CSMD2: variants seen among roughly 807,000 people sequenced by gnomAD.
CSMD2 encodes the protein CUB and sushi domain-containing protein 2.
In CSMD2, 130 loss-of-function variants were observed where a neutral mutation model predicts 398.5. The ratio of observed to expected loss-of-function variants is 0.33; its 90% CI spans 0.28 to 0.38. The LOEUF (loss-of-function observed/expected upper bound fraction) is 0.38, where lower values mean the gene tolerates loss of function less well. CSMD2 is among the 10% of genes least tolerant of loss of function. The pLI is 1.00. For synonymous variants in CSMD2, 1,828 were observed against 1,908.5 expected (o/e 0.96, Z 1.10); for missense variants, 3,829 against 4,764.9 (o/e 0.80, Z 5.78).
At chr1:33,927,173 G>A (rs1398224699) in intron 4 of CSMD2, among the ~76,000 whole-genome samples, 1 of 152,164 alleles carries the variant, frequency 6.6e-6, no homozygotes, top group Non-Finnish European at 1.5e-5. Context: ...GTGGTGAATG[G>A]TTTCGTGTGC....
At chr1:33,850,063 A>G (rs1175909450) in intron 5 of CSMD2, among the ~76,000 whole-genome samples, 2 of 152,086 alleles carry the variant, frequency 1.3e-5, no homozygotes, top group African/African-American at 4.8e-5. Flanking sequence ...CTCCTGCCTC[A>G]GGGTCTTTGC....
chr1:33,564,969 G>A (rs1658919624), intron 53 of CSMD2, among the ~76,000 whole-genome samples: 2 of 152,184 alleles, frequency 1.3e-5, no homozygotes, highest in Non-Finnish European at 2.9e-5. Flanking sequence ...TCAAAAAAAT[G>A]CAGATTAACC....
chr1:33,835,701 C>G (rs913390744), intron 6 of CSMD2, among the ~76,000 whole-genome samples: 2 of 89,654 alleles, frequency 2.2e-5, no homozygotes, highest in Non-Finnish European at 3.9e-5. Context: ...AAAAAACAAA[C>G]AAAAATACAT....
chr1:33,791,829 A>G (rs1261742716), intron 11 of CSMD2, among the ~76,000 whole-genome samples: 1 of 152,144 alleles, frequency 6.6e-6, no homozygotes, highest in Non-Finnish European at 1.5e-5. Context: ...GGTGGGCAAA[A>G]GAGAAGCTAA....
intron 25 of CSMD2, among the ~76,000 whole-genome samples, chr1:33,679,475 C>G (rs1422069318): frequency 6.6e-6 from 1 of 152,168 alleles, no homozygotes; most frequent in African/African-American, 2.4e-5. Flanking sequence ...GTTGGGATTA[C>G]AGGCGTGAGC....
At chr1:33,786,495 C>T (rs140381982) in intron 12 of CSMD2, among the ~76,000 whole-genome samples, 183 of 152,334 alleles carry the variant, frequency 1.2e-3, no homozygotes, top group Non-Finnish European at 2.2e-3. Context: ...TAACTTTATG[C>T]ACCGGAACAG....
At chr1:34,108,763 G>A (rs1013219777) in intron 1 of CSMD2, among the ~76,000 whole-genome samples, 32 of 152,208 alleles carry the variant, frequency 2.1e-4, no homozygotes, top group Admixed American at 1.4e-3. Context: ...CTGAGTGCCC[G>A]AGACTCTGTC....
chr1:33,724,417 C>A, intron 18 of CSMD2, 99 bp downstream of exon 18: 1 of 1,529,154 alleles, frequency 6.5e-7, no homozygotes, highest in Non-Finnish European at 9.0e-7. Context: ...GCCCAACCTT[C>A]GCTGATGGGG....
chr1:33,670,980 G>A (rs1025018202), intron 25 of CSMD2, among the ~76,000 whole-genome samples: 2 of 152,158 alleles, frequency 1.3e-5, no homozygotes, highest in African/African-American at 4.8e-5. Flanking sequence ...GATGAAGGGG[G>A]TGGGTGAGGA....
At chr1:33,671,381 A>C (rs1644491214) in intron 25 of CSMD2, among the ~76,000 whole-genome samples, 1 of 152,016 alleles carries the variant, frequency 6.6e-6, no homozygotes, top group Non-Finnish European at 1.5e-5. Flanking sequence ...AGCTCAGGTA[A>C]CTGGGTCTCA....
At chr1:33,823,392 C>CTTTT (rs10578010) in intron 7 of CSMD2, among the ~76,000 whole-genome samples, 1 of 149,326 alleles carries the variant, frequency 6.7e-6, no homozygotes, top group Non-Finnish European at 1.5e-5. Context: ...TTCTCCCTTT[C>CTTTT]TTTTTTTTTT....
At chr1:33,800,256 G>A (rs1374380909) in intron 10 of CSMD2, among the ~76,000 whole-genome samples, 1 of 152,190 alleles carries the variant, frequency 6.6e-6, no homozygotes. Context: ...GTCTTGCTGA[G>A]GCCCTAGGGA....
At chr1:33,614,384 G>T (rs1445111204) in intron 40 of CSMD2, 120 bp downstream of exon 40, 4 of 677,348 alleles carry the variant, frequency 5.9e-6, no homozygotes, top group Non-Finnish European at 1.1e-5. Context: ...AGAAAACAGA[G>T]AGGCAGAGTA....
At chr1:34,071,183 A>G (rs1655700093) in intron 2 of CSMD2, among the ~76,000 whole-genome samples, 2 of 152,252 alleles carry the variant, frequency 1.3e-5, no homozygotes, top group African/African-American at 4.8e-5. Flanking sequence ...GCTAGCCACT[A>G]TAAACTTCGT....
chr1:34,126,803 A>AGAC (rs1553325073), intron 1 of CSMD2, among the ~76,000 whole-genome samples: 1 of 150,896 alleles, frequency 6.6e-6, no homozygotes, highest in Non-Finnish European at 1.5e-5. Flanking sequence ...AGAGAGACAT[A>AGAC]GGGGAGAGAG....
chr1:33,724,176 G>C, intron 19 of CSMD2, 21 bp downstream of exon 19: 1 of 1,560,086 alleles, frequency 6.4e-7, no homozygotes, highest in Non-Finnish European at 8.8e-7. Flanking sequence ...CCCAATGCCT[G>C]CTATGGGCTG....
chr1:33,658,889 A>T (rs775935503), intron 26 of CSMD2, among the ~76,000 whole-genome samples: 1 of 152,194 alleles, frequency 6.6e-6, no homozygotes, highest in Non-Finnish European at 1.5e-5. Flanking sequence ...AATAAACTCC[A>T]TGTATTCAAT....
chr1:34,052,495 CTGTG>C lies in CSMD2; in HGVS notation c.405-19793_405-19790del, dbSNP rs143571706. Among the ~76,000 whole-genome samples the C allele has an allele frequency of 5.3e-3, 714 of 134,152 alleles. 4 individuals are homozygous for C. Among genetic ancestry groups the C allele is most frequent in the East Asian group, 0.02 (84 of 4,206 alleles). The allele number at this position is 134,152 out of a possible 152,430, so 88.0% of individuals were successfully genotyped here. A position where few individuals can be genotyped will look rare whatever the true frequency, so the allele number is the denominator to read the frequency against. On this transcript the variant is annotated intron_variant, in intron 2 of 70. Coordinates refer to ENST00000373381, the MANE Select transcript of CSMD2 (RefSeq NM_001281956.2). The stretch of plus-strand genomic sequence containing the variant: ...GAGAAATCAATCCCCTATGGGACAA[CTGTG>C]TGTGTGTGTGTGTGTGTGTGTGTGT...
intron 5 of CSMD2, among the ~76,000 whole-genome samples, chr1:33,852,578 C>G (rs1418462588): frequency 6.6e-6 from 1 of 152,256 alleles, no homozygotes; most frequent in Non-Finnish European, 1.5e-5. Flanking sequence ...TATTTCCTTT[C>G]CTCTATCTCT....
Sources: gnomAD v4.1 joint callset for allele counts (sites outside exome capture counted in the v4.1 genomes callset) on GRCh38, gnomAD v4.1.1 for gene constraint, MANE v1.5 for transcripts, NCBI Gene and HGNC (gene_info 2026-07-23, HGNC 2026-07-21) for gene names.